Variants in TMEM108 observed in about 807,000 individuals in gnomAD.
The protein encoded by TMEM108 is cancer/testis antigen 124.
Under a neutral mutation model 35.1 loss-of-function variants are expected in TMEM108, and 12 were observed. That is an observed-to-expected ratio of 0.34 (90% confidence interval 0.22 to 0.55). The LOEUF (loss-of-function observed/expected upper bound fraction) is 0.55, where lower values mean the gene tolerates loss of function less well. Ranked by LOEUF, TMEM108 falls within the 20% of genes least tolerant of loss-of-function variation. The pLI is 0.89. For synonymous variants in TMEM108, 287 were observed against 308.6 expected, an observed-to-expected ratio of 0.93 and a Z score of 0.73; for missense variants, 680 against 753.3, an observed-to-expected ratio of 0.90 and a Z score of 1.14.
At chr3:133,200,043 C>A (rs1945638811) in intron 2 of TMEM108, among the ~76,000 whole-genome samples, 1 of 152,172 alleles carries the variant, frequency 6.6e-6, no homozygotes, top group Non-Finnish European at 1.5e-5. Context: ...AGTGAGGCTC[C>A]ATGGGCATGG....
intron 4 of TMEM108, among the ~76,000 whole-genome samples, chr3:133,385,569 C>A (rs895583170): frequency 1.3e-5 from 2 of 152,240 alleles, no homozygotes; most frequent in Non-Finnish European, 2.9e-5. Context: ...CCCAGGTGCA[C>A]CCCTCCCACT....
intron 1 of TMEM108, chr3:133,041,724 CATA>C (rs964925916): frequency 6.6e-6 from 1 of 152,042 alleles, no homozygotes; most frequent in Non-Finnish European, 1.5e-5. Flanking sequence ...GTTAATTAAA[CATA>C]ATAATCATGA....
intron 2 of TMEM108, among the ~76,000 whole-genome samples, chr3:133,079,761 G>T: frequency 6.6e-6 from 1 of 152,192 alleles, no homozygotes; most frequent in Non-Finnish European, 1.5e-5. Context: ...ATTCTGAAAT[G>T]AATGACAGAT....
chr3:133,266,380 A>G (rs1946697239), intron 3 of TMEM108, among the ~76,000 whole-genome samples: 1 of 152,236 alleles, frequency 6.6e-6, no homozygotes, highest in African/African-American at 2.4e-5. Flanking sequence ...CTTTGGGATC[A>G]GGACTGAGAT....
intron 2 of TMEM108, among the ~76,000 whole-genome samples, chr3:133,181,925 T>C (rs1442077379): frequency 2.6e-5 from 4 of 152,210 alleles, no homozygotes; most frequent in African/African-American, 4.8e-5. Flanking sequence ...ATGGTTGACA[T>C]TGAAACATTG....
Position 133,177,112 on chromosome 3 carries a change from CCAG to C in TMEM108, c.-46-52153_-46-52151del, listed in dbSNP as rs1945244100. ...ATACATACACCCTCCCAAGACTAAA[CCAG>C]GAAGAAGTTGAATCTCTGAATAGAC... On this transcript the variant is annotated intron_variant, in intron 2 of 5. Coordinates refer to ENST00000321871, the MANE Select transcript of TMEM108 (RefSeq NM_023943.4). Among the ~76,000 whole-genome samples the C allele has an allele frequency of 2.0e-5, 3 of 152,252 alleles. No individual in the cohort carries two copies. The South Asian group carries it at 6.2e-4, about 32-fold the overall frequency.
intron 2 of TMEM108, among the ~76,000 whole-genome samples, chr3:133,056,892 A>G (rs1943471724): frequency 6.6e-6 from 1 of 152,200 alleles, no homozygotes. Context: ...TTTATCGTGA[A>G]CGTCGAATGC....
intron 2 of TMEM108, among the ~76,000 whole-genome samples, chr3:133,177,692 C>A (rs1437091446): frequency 4.0e-5 from 6 of 151,188 alleles, no homozygotes; most frequent in African/African-American, 7.3e-5. Context: ...TATGACAAAC[C>A]CACAGCCAAT....
intron 2 of TMEM108, among the ~76,000 whole-genome samples, chr3:133,181,044 C>T (rs1945336522): frequency 1.3e-5 from 1 of 76,662 alleles, no homozygotes; most frequent in African/African-American, 4.3e-5. Context: ...AAAAACAGCA[C>T]TCCCAAAGCG....
intron 4 of TMEM108, among the ~76,000 whole-genome samples, chr3:133,385,821 A>G (rs988663262): frequency 2.0e-5 from 3 of 152,244 alleles, no homozygotes; most frequent in Non-Finnish European, 4.4e-5. Context: ...TCATTGATCC[A>G]GTGTCTGTCT....
chr3:133,224,028 G>T (rs1482118394), intron 2 of TMEM108, among the ~76,000 whole-genome samples: 1 of 152,192 alleles, frequency 6.6e-6, no homozygotes, highest in Non-Finnish European at 1.5e-5. Context: ...TGTATTATGG[G>T]AAGTCTGTCA....
intron 2 of TMEM108, among the ~76,000 whole-genome samples, chr3:133,152,249 G>A (rs1199247218): frequency 6.6e-6 from 1 of 152,302 alleles, no homozygotes; most frequent in Admixed American, 6.5e-5. Context: ...GCATATTCTT[G>A]TGCAAACAAT....
intron 3 of TMEM108, among the ~76,000 whole-genome samples, chr3:133,348,678 G>A (rs2071894475): frequency 6.6e-6 from 1 of 152,076 alleles, no homozygotes; most frequent in African/African-American, 2.4e-5. Flanking sequence ...CATGGTGTAG[G>A]GTGAGGCAAC....
chr3:133,127,809 CTTAA>C (rs1297068663), intron 2 of TMEM108, among the ~76,000 whole-genome samples: 1 of 152,108 alleles, frequency 6.6e-6, no homozygotes, highest in Non-Finnish European at 1.5e-5. Context: ...CAGTTTAGTT[CTTAA>C]TTAAGATCAT....
chr3:133,271,692 A>G (rs1390453629), intron 3 of TMEM108, among the ~76,000 whole-genome samples: 3 of 152,154 alleles, frequency 2.0e-5, no homozygotes, highest in Non-Finnish European at 4.4e-5. Context: ...TGACTCTCCT[A>G]TAGGAGTCAG....
Position 133,228,400 on chromosome 3 carries a change from T to C in TMEM108, c.-46-866T>C, listed in dbSNP as rs1323976350. ...TGAAATTATTAATTTCTTCCTTGGG[T>C]AGAGTGTAGTCTAATGATTATTCTA... On this transcript the variant is annotated intron_variant, in intron 2 of 5. Coordinates refer to ENST00000321871, the MANE Select transcript of TMEM108 (RefSeq NM_023943.4). Among the ~76,000 whole-genome samples, 3 of 152,188 alleles carry C rather than the reference T, an allele frequency of 2.0e-5. No homozygotes were observed. The East Asian group carries it at 5.8e-4, about 29-fold the overall frequency.
At chr3:133,118,068 A>C (rs975339465) in intron 2 of TMEM108, among the ~76,000 whole-genome samples, 2 of 151,690 alleles carry the variant, frequency 1.3e-5, no homozygotes, top group East Asian at 1.9e-4. Context: ...TAGAGTACTA[A>C]CTCTAGGTTC....
At chr3:133,371,945 A>G (rs1317877657) in intron 3 of TMEM108, among the ~76,000 whole-genome samples, 1 of 152,210 alleles carries the variant, frequency 6.6e-6, no homozygotes, top group African/African-American at 2.4e-5. Context: ...CAGAGAGGTG[A>G]GAGCTGGAGT....
chr3:133,283,733 C>T (rs753221908), intron 3 of TMEM108, among the ~76,000 whole-genome samples: 6 of 152,192 alleles, frequency 3.9e-5, no homozygotes, highest in Admixed American at 6.5e-5. Flanking sequence ...ATGTTTCTAA[C>T]AATGGCAGTG....
Sources: allele counts gnomAD v4.1 joint callset (sites outside exome capture counted in the v4.1 genomes callset), GRCh38; gene constraint gnomAD v4.1.1; transcripts MANE v1.5; gene names NCBI Gene and HGNC (gene_info 2026-07-23, HGNC 2026-07-21).